The following SLCO6A1 variants were observed in gnomAD, a reference collection of about 807,000 sequenced individuals.
SLCO6A1 encodes solute carrier organic anion transporter family member 6A1, also known as cancer/testis antigen 48.
Under a neutral mutation model 72.7 loss-of-function variants are expected in SLCO6A1, and 65 were observed. The observed-to-expected ratio is 0.89, with a 90% confidence interval of 0.73 to 1.10. The LOEUF is 1.10. Among genes scored for constraint, SLCO6A1 ranks in the 50% least tolerant of loss-of-function variants. The pLI, the probability that SLCO6A1 is intolerant of heterozygous loss-of-function variation, is 0.00. For missense variants in SLCO6A1, 874 were observed against 872.6 expected (o/e 1.00, Z -0.02); for synonymous variants, 314 against 298.2 (o/e 1.05, Z -0.55).
chr5:102,449,851 G>T (rs1294392684), intron 6 of SLCO6A1, among the ~76,000 whole-genome samples: 1 of 152,110 alleles, frequency 6.6e-6, no homozygotes, highest in Non-Finnish European at 1.5e-5. Context: ...TGTCCATTTT[G>T]TAAAATTCTT....
intron 1 of SLCO6A1, 89 bp from the exon 2 acceptor site, chr5:102,480,523 T>A (rs1752142690): frequency 8.0e-7 from 1 of 1,243,112 alleles, no homozygotes; most frequent in Non-Finnish European, 1.1e-6. Context: ...AATTACATGA[T>A]GTAAGTTTAT....
intron 12 of SLCO6A1, among the ~76,000 whole-genome samples, chr5:102,376,158 G>A (rs1220646126): frequency 6.6e-6 from 1 of 152,056 alleles, no homozygotes; most frequent in Non-Finnish European, 1.5e-5. Flanking sequence ...TTAAAATTCC[G>A]AGAGTTACAG....
intron 6 of SLCO6A1, among the ~76,000 whole-genome samples, chr5:102,447,786 A>G (rs1750197458): frequency 6.6e-6 from 1 of 151,796 alleles, no homozygotes; most frequent in Admixed American, 6.6e-5. Context: ...TTGTCTACCT[A>G]GTGGTCTATC....
intron 7 of SLCO6A1, among the ~76,000 whole-genome samples, chr5:102,432,702 G>T (rs1749285975): frequency 6.6e-6 from 1 of 152,034 alleles, no homozygotes; most frequent in Admixed American, 6.6e-5. Flanking sequence ...AGCTGCCTTT[G>T]ACATTGTTTT....
At chr5:102,438,169 AT>A (rs1452724605) in intron 7 of SLCO6A1, among the ~76,000 whole-genome samples, 2 of 152,126 alleles carry the variant, frequency 1.3e-5, no homozygotes, top group Admixed American at 1.3e-4. Context: ...AAATAGGATC[AT>A]AAAATAAAAT....
intron 12 of SLCO6A1, among the ~76,000 whole-genome samples, chr5:102,378,573 A>G (rs1235876074): frequency 6.6e-6 from 1 of 151,020 alleles, no homozygotes; most frequent in African/African-American, 2.4e-5. Flanking sequence ...GCTCTTGAAT[A>G]TATTTATATA....
intron 9 of SLCO6A1, among the ~76,000 whole-genome samples, chr5:102,403,955 T>A (rs2112561800): frequency 6.6e-6 from 1 of 152,196 alleles, no homozygotes; most frequent in East Asian, 1.9e-4. Context: ...TTCTACTTTT[T>A]ATTTTTCTTA....
rs1310297021 is a variant in SLCO6A1 at position 102,498,942 on chromosome 5, A to T, written c.-98T>A. ...AAGGCCAGCCTGGCGAGGGCGTCGG[A>T]GGACTCGGTGGCCACAAGGGGCTCT... On this transcript the variant is annotated 5_prime_UTR_variant, in exon 1 of 14. Transcript: ENST00000506729. The T allele has an allele frequency of 2.5e-6, 3 of 1,197,372 alleles. No individual in the cohort carries two copies. Among genetic ancestry groups the T allele is most frequent in the Non-Finnish European group, 3.5e-6 (3 of 857,614 alleles). The allele number at this position is 1,197,372 out of a possible 1,614,324, so 74.2% of individuals were successfully genotyped here.
At chr5:102,432,400 T>G (rs1020267667) in intron 7 of SLCO6A1, among the ~76,000 whole-genome samples, 1 of 152,216 alleles carries the variant, frequency 6.6e-6, no homozygotes, top group Non-Finnish European at 1.5e-5. Flanking sequence ...ATTTAGTGCT[T>G]CTTTCAGGAG....
chr5:102,463,653 G>T (rs565220032), intron 4 of SLCO6A1, among the ~76,000 whole-genome samples: 1 of 152,152 alleles, frequency 6.6e-6, no homozygotes, highest in African/African-American at 2.4e-5. Context: ...TTGGGAGGCC[G>T]AGGCGGGGGG....
intron 10 of SLCO6A1, among the ~76,000 whole-genome samples, chr5:102,396,359 C>A (rs575246268): frequency 1.3e-5 from 2 of 152,094 alleles, no homozygotes; most frequent in South Asian, 2.1e-4. Flanking sequence ...TGTAGATATG[C>A]GGCATTATTT....
At chr5:102,437,336 G>T (rs1365867911) in intron 7 of SLCO6A1, among the ~76,000 whole-genome samples, 1 of 152,152 alleles carries the variant, frequency 6.6e-6, no homozygotes, top group Non-Finnish European at 1.5e-5. Flanking sequence ...AAGTGGAAAG[G>T]TCAGTAGAGA....
At chr5:102,467,117 A>G (rs1360963217) in intron 4 of SLCO6A1, among the ~76,000 whole-genome samples, 1 of 152,058 alleles carries the variant, frequency 6.6e-6, no homozygotes, top group Non-Finnish European at 1.5e-5. Context: ...GGTACAGCCT[A>G]GGTTTTCTTC....
intron 11 of SLCO6A1, among the ~76,000 whole-genome samples, chr5:102,389,440 A>ACCCCC (rs1405717636): frequency 1.0e-3 from 55 of 52,862 alleles, no homozygotes; most frequent in South Asian, 2.4e-3. Context: ...ACAGTCACAC[A>ACCCCC]CCCCGCCCCC....
At chr5:102,481,349 C>T (rs751656021) in intron 1 of SLCO6A1, among the ~76,000 whole-genome samples, 14 of 152,272 alleles carry the variant, frequency 9.2e-5, no homozygotes, top group Non-Finnish European at 1.8e-4. Context: ...CTGATAGCAT[C>T]ACATTTATTC....
intron 12 of SLCO6A1, among the ~76,000 whole-genome samples, chr5:102,387,255 C>T (rs1343451929): frequency 2.0e-5 from 3 of 152,166 alleles, no homozygotes; most frequent in African/African-American, 4.8e-5. Flanking sequence ...CTGGCTTACA[C>T]TAAATTGCCA....
At chr5:102,486,926 A>G (rs534137117) in intron 1 of SLCO6A1, among the ~76,000 whole-genome samples, 11 of 152,312 alleles carry the variant, frequency 7.2e-5, no homozygotes, top group African/African-American at 2.6e-4. Context: ...TAATTTCACA[A>G]AAAATAAATT....
intron 7 of SLCO6A1, among the ~76,000 whole-genome samples, chr5:102,426,463 T>G (rs565449894): frequency 6.6e-6 from 1 of 152,156 alleles, no homozygotes. Context: ...GCAAAGGATA[T>G]GAACAGACAC....
At chr5:102,422,342 A>T (rs565852210) in intron 7 of SLCO6A1, among the ~76,000 whole-genome samples, 6 of 152,336 alleles carry the variant, frequency 3.9e-5, no homozygotes, top group Non-Finnish European at 8.8e-5. Context: ...AAAGGAGCAC[A>T]TTCTAACCCA....
Sources: allele counts gnomAD v4.1 joint callset (sites outside exome capture counted in the v4.1 genomes callset), GRCh38; gene constraint gnomAD v4.1.1; transcripts MANE v1.5; gene names NCBI Gene and HGNC (gene_info 2026-07-23, HGNC 2026-07-21).